The following TRHDE variants were observed in gnomAD, a reference collection of about 807,000 sequenced individuals.
TRHDE encodes the protein thyrotropin-releasing hormone-degrading ectoenzyme.
In TRHDE, 72 loss-of-function variants were observed where a neutral mutation model predicts 125.7. The observed-to-expected ratio is 0.57, with a 90% CI of 0.47 to 0.70. The LOEUF is 0.70. Among genes scored for constraint, TRHDE ranks in the 30% least tolerant of loss-of-function variants. The pLI is 0.00. For synonymous variants in TRHDE, 509 were observed against 509.1 expected, an observed-to-expected ratio of 1.00 and a Z score of 0.00; for missense variants, 1,110 against 1,327.1, an observed-to-expected ratio of 0.84 and a Z score of 2.54.
At chr12:72,484,828 A>T (rs561639660) in intron 5 of TRHDE, among the ~76,000 whole-genome samples, 1 of 152,318 alleles carries the variant, frequency 6.6e-6, no homozygotes, top group African/African-American at 2.4e-5. Context: ...TTTCCCCCAC[A>T]AGAAAAGTCC....
chr12:72,221,495 T>C (rs1391291082), intron 2 of TRHDE, among the ~76,000 whole-genome samples: 1 of 152,050 alleles, frequency 6.6e-6, no homozygotes, highest in Admixed American at 6.6e-5. Flanking sequence ...ACTACTGAAA[T>C]GGCAATTCAG....
intron 2 of TRHDE, among the ~76,000 whole-genome samples, chr12:72,127,472 T>A (rs116485325): frequency 0.039 from 5,972 of 152,298 alleles, 217 homozygotes; most frequent in South Asian, 0.11. Context: ...TGAAGAAATG[T>A]GGTACATACA....
rs1875063167 is a variant in TRHDE, at chr12:72,665,011, T to C, written c.*1816T>C. 6.6e-6 allele frequency: 1 copy of C among 151,484 alleles called. No individual in the cohort carries two copies. The highest frequency in any genetic ancestry group is 2.4e-5 in the African/African-American group (1 of 40,900). 9.4% of individuals were successfully genotyped at this position (151,484 alleles called of 1,614,324 possible). A position where few individuals can be genotyped will look rare whatever the true frequency, so the allele number is the denominator to read the frequency against. On this transcript the variant is annotated 3_prime_UTR_variant, in exon 19 of 19. Transcript: ENST00000261180. The stretch of plus-strand genomic sequence containing the variant: ...AATACTTTTAGTATAAAATCTAAAC[T>C]TTTTCCATTTATCAGAAATGATAAA...
At chr12:72,540,443 AT>A (rs1869088988) in intron 6 of TRHDE, among the ~76,000 whole-genome samples, 1 of 151,728 alleles carries the variant, frequency 6.6e-6, no homozygotes, top group South Asian at 2.1e-4. Context: ...TCATTAGACC[AT>A]GCTAGATTAA....
At chr12:72,646,183 A>G (rs1304356724) in intron 15 of TRHDE, among the ~76,000 whole-genome samples, 1 of 152,146 alleles carries the variant, frequency 6.6e-6, no homozygotes, top group African/African-American at 2.4e-5. Flanking sequence ...GGTACACAAT[A>G]TGAATAGGTA....
chr12:72,218,445 T>A (rs1350332577), intron 2 of TRHDE, among the ~76,000 whole-genome samples: 2 of 152,164 alleles, frequency 1.3e-5, no homozygotes, highest in Non-Finnish European at 2.9e-5. Flanking sequence ...TGATGCTGTT[T>A]TTTTTCTCAT....
intron 2 of TRHDE, among the ~76,000 whole-genome samples, chr12:72,294,302 A>G (rs987983612): frequency 6.6e-6 from 1 of 152,164 alleles, no homozygotes; most frequent in African/African-American, 2.4e-5. Context: ...GTGGAGGGTG[A>G]GCAAGATGAA....
chr12:72,543,761 A>G (rs1247722429), intron 7 of TRHDE, among the ~76,000 whole-genome samples: 1 of 149,888 alleles, frequency 6.7e-6, no homozygotes, highest in Non-Finnish European at 1.5e-5. Flanking sequence ...GAATAACTAC[A>G]GTTATATTAT....
chr12:72,295,244 A>C (rs974659745), intron 2 of TRHDE, among the ~76,000 whole-genome samples: 1 of 151,984 alleles, frequency 6.6e-6, no homozygotes, highest in Non-Finnish European at 1.5e-5. Flanking sequence ...CTGCAGCAGC[A>C]CTGGGGAGCC....
At chr12:72,401,910 G>A (rs1015576280) in intron 3 of TRHDE, among the ~76,000 whole-genome samples, 13 of 152,104 alleles carry the variant, frequency 8.5e-5, no homozygotes, top group African/African-American at 3.1e-4. Context: ...AATGTTTTTG[G>A]TAGTGGGTTT....
intron 7 of TRHDE, among the ~76,000 whole-genome samples, chr12:72,551,334 C>T (rs1869662758): frequency 6.6e-6 from 1 of 151,988 alleles, no homozygotes; most frequent in Admixed American, 6.6e-5. Flanking sequence ...AATGGTAGTA[C>T]CCATTTGTTA....
In TRHDE at chr12:72,579,499, A is replaced by G. The variant is rs994143937; in HGVS notation, c.2321+3957A>G. ...TACTATTCTTTCCTATATATTTTGC[A>G]TGTTTTTGGATATTAATCCTTTTTT... On this transcript the variant is annotated intron_variant, in intron 12 of 18. Transcript: ENST00000261180. 4.6e-5 allele frequency among the ~76,000 whole-genome samples: 7 copies of G among 152,164 alleles called. 1 individual carries two copies. Among genetic ancestry groups the G allele is most frequent in the African/African-American group, 4.8e-5 (2 of 41,542 alleles).
intron 15 of TRHDE, among the ~76,000 whole-genome samples, chr12:72,646,596 T>A (rs934289992): frequency 1.3e-5 from 2 of 152,086 alleles, no homozygotes; most frequent in African/African-American, 4.8e-5. Context: ...AGTCTCACTT[T>A]AGCTTTAAGG....
intron 2 of TRHDE, among the ~76,000 whole-genome samples, chr12:72,368,140 A>G (rs1871416586): frequency 6.6e-6 from 1 of 152,190 alleles, no homozygotes; most frequent in Non-Finnish European, 1.5e-5. Flanking sequence ...GGCTTTAGAC[A>G]GAGAGATTTA....
At chr12:72,338,950 T>A (rs1201271874) in intron 2 of TRHDE, among the ~76,000 whole-genome samples, 1 of 152,172 alleles carries the variant, frequency 6.6e-6, no homozygotes, top group Non-Finnish European at 1.5e-5. Context: ...GAGGAAAGGA[T>A]CATATTAAAG....
chr12:72,295,682 C>G (rs1329084139), intron 2 of TRHDE, among the ~76,000 whole-genome samples: 1 of 152,052 alleles, frequency 6.6e-6, no homozygotes, highest in Non-Finnish European at 1.5e-5. Flanking sequence ...TGTATATACG[C>G]TTAAAACACA....
At chr12:72,651,935 C>G (rs544168655) in intron 15 of TRHDE, among the ~76,000 whole-genome samples, 14 of 152,018 alleles carry the variant, frequency 9.2e-5, no homozygotes, top group African/African-American at 3.1e-4. Context: ...GTGTCCTCAA[C>G]TGGTACTTTC....
At chr12:72,321,159 CT>C (rs1869073191) in intron 2 of TRHDE, among the ~76,000 whole-genome samples, 1 of 152,074 alleles carries the variant, frequency 6.6e-6, no homozygotes, top group African/African-American at 2.4e-5. Flanking sequence ...AATAGAAATG[CT>C]TATCTTTTAA....
intron 6 of TRHDE, among the ~76,000 whole-genome samples, chr12:72,519,794 G>C (rs1401069531): frequency 6.6e-6 from 1 of 152,108 alleles, no homozygotes; most frequent in Non-Finnish European, 1.5e-5. Context: ...TTTGGTCTTT[G>C]ATGATGGTGA....
Sources: gnomAD v4.1 joint callset for allele counts (sites outside exome capture counted in the v4.1 genomes callset) on GRCh38, gnomAD v4.1.1 for gene constraint, MANE v1.5 for transcripts, NCBI Gene and HGNC (gene_info 2026-07-23, HGNC 2026-07-21) for gene names.